SH3KBP1: variants seen among roughly 807,000 people sequenced by gnomAD.
SH3KBP1 encodes SH3 domain containing kinase binding protein 1.
SH3KBP1 carries 8 observed loss-of-function variants against 50.1 expected under a neutral mutation model. That is an observed-to-expected ratio of 0.16 (90% CI 0.09 to 0.29). The LOEUF is 0.29. SH3KBP1 is among the 10% of genes least tolerant of loss of function. The probability of loss-of-function intolerance (pLI) is 1.00; values close to 1 mark genes in which losing one functional copy is unlikely to be tolerated. For missense variants in SH3KBP1, 377 were observed against 535.2 expected, an observed-to-expected ratio of 0.70 and a Z score of 2.92; for synonymous variants, 227 against 218.6, an observed-to-expected ratio of 1.04 and a Z score of -0.34.
intron 13 of SH3KBP1, among the ~76,000 whole-genome samples, chrX:19,568,693 T>C (rs1254942700): frequency 1.8e-5 from 2 of 112,489 alleles, no homozygotes; most frequent in Non-Finnish European, 3.8e-5. Context: ...GCAATTACCA[T>C]ACCAAAGCTC....
intron 3 of SH3KBP1, among the ~76,000 whole-genome samples, chrX:19,726,037 A>G (rs959388261): frequency 5.4e-5 from 6 of 112,058 alleles, no homozygotes; most frequent in Non-Finnish European, 9.4e-5. Flanking sequence ...AGGGAATCGT[A>G]TGCTTCATGG....
chrX:19,542,710 C>A (rs2064959676), intron 15 of SH3KBP1, among the ~76,000 whole-genome samples: 1 of 111,670 alleles, frequency 9.0e-6, no homozygotes, highest in African/African-American at 3.3e-5. Context: ...GGAGGAGGAC[C>A]AAGAAGTAGC....
chrX:19,683,000 A>T (rs2063091917), intron 6 of SH3KBP1, among the ~76,000 whole-genome samples: 1 of 111,922 alleles, frequency 8.9e-6, no homozygotes, highest in Non-Finnish European at 1.9e-5. Flanking sequence ...CTGCTGGCAC[A>T]AATGTCAAAG....
chrX:19,542,918 C>A (rs371471966), intron 15 of SH3KBP1, among the ~76,000 whole-genome samples: 4 of 111,839 alleles, frequency 3.6e-5, no homozygotes, highest in African/African-American at 1.3e-4. Context: ...GGAGGGCACA[C>A]GGTGCTGAGG....
intron 2 of SH3KBP1, among the ~76,000 whole-genome samples, chrX:19,804,895 C>T (rs1363870168): frequency 1.1e-5 from 1 of 87,251 alleles, no homozygotes; most frequent in Non-Finnish European, 2.3e-5. Context: ...CCCCCCCCCC[C>T]ACCCGCTGCC....
rs1379605034 is a variant in SH3KBP1 at position 19,870,886 on chromosome X, C to T, written c.4+16421G>A. Among the ~76,000 whole-genome samples the T allele has an allele frequency of 2.7e-5, 3 of 111,433 alleles. No homozygotes were observed. The East Asian group carries it at 8.5e-4, about 31-fold the overall frequency. ...ACATCACCAAGCAACAACCTCACGGCCGAAGCACACCGCCGTGTCTCCTGT... is the reference window on the plus strand; with the variant it reads ...ACATCACCAAGCAACAACCTCACGGTCGAAGCACACCGCCGTGTCTCCTGT... On this transcript the variant is annotated intron_variant, in intron 1 of 17. Transcript: ENST00000397821.
At position 19,709,906 on chromosome X, in the gene SH3KBP1, C is replaced by A. The variant is rs763580066; in HGVS notation, c.287-2922G>T. On this transcript the variant is annotated intron_variant, in intron 3 of 17. Coordinates refer to ENST00000397821, the MANE Select transcript of SH3KBP1 (RefSeq NM_031892.3). ...CTGGTGTTTACTAGTGAGTCTTGACCTTCCTTAAAGAGGTAAGGAGATGAC... is the reference window on the plus strand; with the variant it reads ...CTGGTGTTTACTAGTGAGTCTTGACATTCCTTAAAGAGGTAAGGAGATGAC... 3.6e-5 allele frequency among the ~76,000 whole-genome samples: 4 copies of A among 111,821 alleles called. No homozygotes were observed. In the South Asian group the frequency reaches 1.5e-3, roughly 42 times the overall value.
rs376933983 is a variant in SH3KBP1 at position 19,593,217 on chromosome X, T to C, written c.1058-1070A>G. ...CAGTCAAAAGTACTCCTCTTATGTA[T>C]GGACTGGGCTGAGTTCTTAACAAAC... On this transcript the variant is annotated intron_variant, in intron 10 of 17. Coordinates refer to ENST00000397821, the MANE Select transcript of SH3KBP1 (RefSeq NM_031892.3). Among the ~76,000 whole-genome samples, 17 of 111,870 alleles carry C rather than the reference T, an allele frequency of 1.5e-4. No homozygotes were observed. The East Asian group carries it at 4.2e-3, about 28-fold the overall frequency.
At chrX:19,853,372 A>C (rs959178618) in intron 1 of SH3KBP1, among the ~76,000 whole-genome samples, 1 of 110,988 alleles carries the variant, frequency 9.0e-6, no homozygotes, top group African/African-American at 3.3e-5. Context: ...CTCAGTGCCT[A>C]ACAGATGCCA....
At chrX:19,761,359 G>A (rs1357003026) in intron 2 of SH3KBP1, among the ~76,000 whole-genome samples, 1 of 81,586 alleles carries the variant, frequency 1.2e-5, no homozygotes, top group African/African-American at 4.6e-5. Context: ...AGAGAAGGGA[G>A]AGAGTGGGGA....
intron 2 of SH3KBP1, among the ~76,000 whole-genome samples, chrX:19,779,283 A>G (rs2066082807): frequency 9.7e-6 from 1 of 103,339 alleles, no homozygotes; most frequent in South Asian, 4.9e-4. Flanking sequence ...TGGGTGAGAC[A>G]GCAAGACCCT....
intron 3 of SH3KBP1, among the ~76,000 whole-genome samples, chrX:19,729,952 G>A (rs1044638849): frequency 4.5e-5 from 5 of 111,601 alleles, no homozygotes; most frequent in Non-Finnish European, 7.5e-5. Flanking sequence ...AGTGTATGCT[G>A]GTTTTCCCAT....
chrX:19,808,054 T>A (rs2067102258), intron 2 of SH3KBP1, among the ~76,000 whole-genome samples: 1 of 111,679 alleles, frequency 9.0e-6, no homozygotes, highest in African/African-American at 3.3e-5. Flanking sequence ...GCTTTGGGGC[T>A]TTCCTTTATG....
rs186126660 is a variant in SH3KBP1, at chrX:19,732,341, C to T, written c.286+13977G>A. 3.6e-5 allele frequency among the ~76,000 whole-genome samples: 4 copies of T among 110,457 alleles called. No individual in the cohort carries two copies. In the East Asian group the frequency reaches 8.5e-4, roughly 23 times the overall value. The stretch of plus-strand genomic sequence containing the variant: ...ATATATAATCATCCCTCAGTATTCC[C>T]GGCAGATTGGTTCCAGGACCCTTAG... On this transcript the variant is annotated intron_variant, in intron 3 of 17. Transcript: ENST00000397821.
At chrX:19,885,123 A>C (rs1298941762) in intron 1 of SH3KBP1, among the ~76,000 whole-genome samples, 1 of 111,035 alleles carries the variant, frequency 9.0e-6, no homozygotes, top group African/African-American at 3.3e-5. Context: ...CCCTCTTAAA[A>C]AAGAATAAAA....
Position 19,621,175 on chromosome X carries a change from C to T in SH3KBP1, c.897+10689G>A, listed in dbSNP as rs1236556178. On this transcript the variant is annotated intron_variant, in intron 8 of 17. Transcript: ENST00000397821. ...CTGCAAGCTCCGCCTTCTGGGTTCA[C>T]GCCATTCTCCTGCCTCAGCCTTCCT... 2.9e-5 allele frequency among the ~76,000 whole-genome samples: 3 copies of T among 102,466 alleles called. No individual in the cohort carries two copies. In the Admixed American group the frequency reaches 3.2e-4, roughly 11 times the overall value. 89.0% of individuals were successfully genotyped at this position (102,466 alleles called of 115,157 possible).
At chrX:19,567,246 C>T (rs754270206) in intron 13 of SH3KBP1, among the ~76,000 whole-genome samples, 1 of 108,101 alleles carries the variant, frequency 9.3e-6, no homozygotes, top group South Asian at 4.0e-4. Context: ...AGGCTGGGTG[C>T]GGTAGCTCAC....
At chrX:19,770,858 G>A (rs996442058) in intron 2 of SH3KBP1, among the ~76,000 whole-genome samples, 2 of 111,183 alleles carry the variant, frequency 1.8e-5, no homozygotes, top group African/African-American at 3.3e-5. Context: ...TTTAAAAAGT[G>A]TCTGTTCATG....
chrX:19,854,857 C>T (rs1253890332), intron 1 of SH3KBP1, among the ~76,000 whole-genome samples: 1 of 112,009 alleles, frequency 8.9e-6, no homozygotes, highest in Non-Finnish European at 1.9e-5. Context: ...TTCAAGCCAC[C>T]TGTCATTCCA....
Sources: gnomAD v4.1 joint callset for allele counts (sites outside exome capture counted in the v4.1 genomes callset) on GRCh38, gnomAD v4.1.1 for gene constraint, MANE v1.5 for transcripts, NCBI Gene and HGNC (gene_info 2026-07-23, HGNC 2026-07-21) for gene names.